The following PHLPP2 variants were observed in gnomAD, a reference collection of about 807,000 sequenced individuals.
PHLPP2 encodes the protein PH domain and leucine rich repeat protein phosphatase 2, also known as PH domain leucine-rich repeat-containing protein phosphatase 2.
A neutral mutation model predicts 124.9 loss-of-function variants in PHLPP2; 66 were observed. That is an observed-to-expected ratio of 0.53 (90% CI 0.43 to 0.65). The LOEUF is 0.65. PHLPP2 is among the 30% of genes least tolerant of loss of function. The pLI, the probability that PHLPP2 is intolerant of heterozygous loss-of-function variation, is 0.00. For synonymous variants in PHLPP2, 681 were observed against 624.7 expected (o/e 1.09, Z -1.34); for missense variants, 1,685 against 1,600.4 (o/e 1.05, Z -0.90).
At chr16:71,693,769 T>A (rs76532652) in intron 3 of PHLPP2, among the ~76,000 whole-genome samples, 1 of 152,350 alleles carries the variant, frequency 6.6e-6, no homozygotes, top group South Asian at 2.1e-4. Context: ...CGTTGTCAAT[T>A]TTTAAAGAAC....
chr16:71,679,338 C>A, intron 7 of PHLPP2, 51 bp downstream of exon 7: 1 of 1,522,550 alleles, frequency 6.6e-7, no homozygotes, highest in Non-Finnish European at 9.1e-7. Flanking sequence ...AAACCCCAGG[C>A]AAGTTCCTTA....
At chr16:71,681,372 G>C (rs2044996111) in intron 6 of PHLPP2, among the ~76,000 whole-genome samples, 2 of 152,202 alleles carry the variant, frequency 1.3e-5, no homozygotes, top group Non-Finnish European at 2.9e-5. Context: ...AGAGAAGATA[G>C]AGCCTTGTCT....
rs1399187885 is a variant in PHLPP2 at position 71,714,629 on chromosome 16, G to A, written c.167C>T (p.Ser56Phe). 1.2e-6 allele frequency: 2 copies of A among 1,613,804 alleles called. No individual in the cohort carries two copies. Among genetic ancestry groups the A allele is most frequent in the Non-Finnish European group, 1.7e-6 (2 of 1,179,834 alleles). The change falls in exon 2 of 19, where the codon TCC becomes TTC. Residue 56 changes from serine to phenylalanine, a missense_variant. Physicochemically the swap from Ser to Phe is radical, Grantham distance 155. Coordinates refer to ENST00000568954, the MANE Select transcript of PHLPP2 (RefSeq NM_015020.3). ...GAGATGTAAGTCAGAGGAAGAGGAGGAGGAGGAAGAGGAAGAGGAGGTGGT... is the reference window on the plus strand; with the variant it reads ...GAGATGTAAGTCAGAGGAAGAGGAGAAGGAGGAAGAGGAAGAGGAGGTGGT... ...TTTTSSSSSS[S>F]SSSSDLHLVL...
intron 1 of PHLPP2, chr16:71,723,088 CCG>C (rs1181402191): frequency 6.6e-6 from 1 of 152,330 alleles, no homozygotes. Context: ...GGCCCCGCTC[CCG>C]GGAGCAGGAA....
chr16:71,670,287 C>G (rs1202084056), intron 10 of PHLPP2, among the ~76,000 whole-genome samples: 9 of 152,080 alleles, frequency 5.9e-5, no homozygotes, highest in Non-Finnish European at 7.3e-5. Flanking sequence ...GAGGTCACGT[C>G]CAATGAAGTA....
In PHLPP2 at chr16:71,654,859, G is replaced by A. The variant is rs142595372; in HGVS notation, c.2585+381C>T. 1.1e-4 allele frequency among the ~76,000 whole-genome samples: 16 copies of A among 152,304 alleles called. No homozygotes were observed. The East Asian group carries it at 2.1e-3, about 20-fold the overall frequency. ...AACCCCAGAAAGAGGCATTCTAAAC[G>A]TTATCAATCTGATAAGTATTTGGTT... On this transcript the variant is annotated intron_variant, in intron 17 of 18. Transcript: ENST00000568954.
chr16:71,652,887 C>A lies in PHLPP2; in HGVS notation c.2720G>T (p.Arg907Leu). 1 of 1,614,110 alleles carries A rather than the reference C, an allele frequency of 6.2e-7. No homozygotes were observed. Among genetic ancestry groups the A allele is most frequent in the Non-Finnish European group, 8.5e-7 (1 of 1,180,022 alleles). Residue 907 changes from arginine (R) to leucine (L), a missense_variant, in exon 18 of 19, where the codon CGA (arginine) becomes CTA (leucine). By Grantham distance (102) the Arg-to-Leu change is moderately radical. Coordinates refer to ENST00000568954, the MANE Select transcript of PHLPP2 (RefSeq NM_015020.3). ...NVGTCQAVLC[R>L]GGKPVPLSKV... Reference sequence around the variant, plus strand: ...AGAGAGGGGCACTGGCTTCCCACCTCGGCACAGGACTGCTTGGCACGTGCC... The same window carrying A: ...AGAGAGGGGCACTGGCTTCCCACCTAGGCACAGGACTGCTTGGCACGTGCC...
rs1331144816 is a variant in PHLPP2 at position 71,724,339 on chromosome 16, C to A, written c.-17G>T. ...GTTGAGAATACTCACCTTGGCAAGG[C>A]CTTTTCTCTTCCTTATCAGAGATGC... On this transcript the variant is annotated 5_prime_UTR_variant, in exon 1 of 19. Coordinates refer to ENST00000568954, the MANE Select transcript of PHLPP2 (RefSeq NM_015020.3). 1 of 152,224 alleles carries A rather than the reference C, an allele frequency of 6.6e-6. No homozygotes were observed. Among genetic ancestry groups the A allele is most frequent in the African/African-American group, 2.4e-5 (1 of 41,454 alleles). 9.4% of individuals were successfully genotyped at this position (152,224 alleles called of 1,614,324 possible). A position where few individuals can be genotyped will look rare whatever the true frequency, so the allele number is the denominator to read the frequency against.
chr16:71,671,299 G>A (rs1482569439), intron 10 of PHLPP2, among the ~76,000 whole-genome samples: 3 of 152,068 alleles, frequency 2.0e-5, no homozygotes, highest in East Asian at 3.9e-4. Context: ...ATGACTACAC[G>A]TCAGGTACTA....
chr16:71,655,912 T>G (rs947605370), intron 16 of PHLPP2, among the ~76,000 whole-genome samples: 3 of 152,184 alleles, frequency 2.0e-5, no homozygotes, highest in Non-Finnish European at 2.9e-5. Flanking sequence ...AGAGCTAATG[T>G]CCTAAGGAAA....
At chr16:71,676,269 T>A (rs2044944300) in intron 9 of PHLPP2, among the ~76,000 whole-genome samples, 178 bp downstream of exon 9, 1 of 152,196 alleles carries the variant, frequency 6.6e-6, no homozygotes, top group Admixed American at 6.5e-5. Context: ...CCATGTCTTT[T>A]TATGCACACT....
chr16:71,703,429 A>G (rs1465337574), intron 2 of PHLPP2, among the ~76,000 whole-genome samples: 2 of 152,194 alleles, frequency 1.3e-5, no homozygotes, highest in Non-Finnish European at 2.9e-5. Context: ...TAAAACCAGA[A>G]TGTCCTGCAA....
At chr16:71,650,112 CACAGTGCTTAGGGA>C (rs2044686200) in intron 18 of PHLPP2, 68 bp from the exon 19 acceptor site, 3 of 1,219,458 alleles carry the variant, frequency 2.5e-6, no homozygotes, top group Non-Finnish European at 3.5e-6. Context: ...CTTTCTAGAT[CACAGTGCTTAGGGA>C]ACTATAATAA....
chr16:71,666,789 A>G (rs945827888), intron 12 of PHLPP2, among the ~76,000 whole-genome samples: 3 of 152,242 alleles, frequency 2.0e-5, no homozygotes, highest in African/African-American at 7.2e-5. Flanking sequence ...CAAAAACCAA[A>G]TTAACTTTAG....
At position 71,652,920 on chromosome 16, in the gene PHLPP2, G is replaced by T; in HGVS notation, c.2687C>A (p.Ala896Asp). 2.5e-6 allele frequency: 4 copies of T among 1,614,042 alleles called. No individual in the cohort carries two copies. Among genetic ancestry groups the T allele is most frequent in the Non-Finnish European group, 3.4e-6 (4 of 1,179,984 alleles). Residue 896 changes from alanine to aspartate, a missense_variant, in exon 18 of 19, where the codon GCC becomes GAC. Coordinates refer to ENST00000568954, the MANE Select transcript of PHLPP2 (RefSeq NM_015020.3). ...GACTGCTTGGCACGTGCCAACATTG[G>T]CTACAGTCAAGCTAAAGCTACTTGC... The part of the protein sequence containing the change: ...DPASSFSLTV[A>D]NVGTCQAVLC...
chr16:71,674,663 T>C (rs996245949), intron 9 of PHLPP2, among the ~76,000 whole-genome samples: 1 of 152,206 alleles, frequency 6.6e-6, no homozygotes, highest in African/African-American at 2.4e-5. Context: ...TTCTATTGCA[T>C]GAATATATCA....
At position 71,649,241 on chromosome 16, in the gene PHLPP2, T is replaced by C. The variant is rs1176072801; in HGVS notation, c.3621A>G (p.Arg1207=). The C allele has an allele frequency of 1.4e-5, 22 of 1,613,864 alleles. No homozygotes were observed. The highest frequency in any genetic ancestry group is 1.9e-5 in the Non-Finnish European group (22 of 1,179,944). ...GCATGCCACTATTCACACTGTTCTGTCTTCGGATCCCAAAACACGACCCTC... is the reference window on the plus strand; with the variant it reads ...GCATGCCACTATTCACACTGTTCTGCCTTCGGATCCCAAAACACGACCCTC... ...HARGSCFGIR[R]QNSVNSGMLL... is the part of the protein sequence containing the mutation. Residue 1207 remains arginine (R), a synonymous_variant, in exon 19 of 19, where the codon AGA becomes AGG. Coordinates refer to ENST00000568954, the MANE Select transcript of PHLPP2 (RefSeq NM_015020.3).
rs533368871 is a variant in PHLPP2 at position 71,681,873 on chromosome 16, G to C, written c.768C>G (p.Leu256=). 1.9e-6 allele frequency: 3 copies of C among 1,613,670 alleles called. No homozygotes were observed. Among genetic ancestry groups the C allele is most frequent in the African/African-American group, 2.7e-5 (2 of 74,984 alleles). Residue 256 remains leucine (L), a synonymous_variant, in exon 6 of 19, where the codon CTC becomes CTG. Transcript: ENST00000568954. ...VVSQRISTVD[L]SCYSLEEVPE... is the part of the protein sequence containing the mutation. ...GAACCTCCTCGAGGCTGTAACACGA[G>C]AGATCCACGGTACTGATTCGCTGGG...
Position 71,655,266 on chromosome 16 carries a change from C to T in PHLPP2, c.2559G>A (p.Met853Ile). ...TGTGAGATACCAAGAAGGTGTTAGCCATGAAAACTGTGTCATTAGTTGACT... is the reference window on the plus strand; with the variant it reads ...TGTGAGATACCAAGAAGGTGTTAGCTATGAAAACTGTGTCATTAGTTGACT... ...VQQSTNDTVF[M>I]ANTFLVSHRK... Residue 853 changes from methionine (M) to isoleucine (I), a missense_variant, in exon 17 of 19, where the codon ATG becomes ATA. Transcript: ENST00000568954. 6.2e-7 allele frequency: 1 copy of T among 1,613,486 alleles called. No homozygotes were observed. The highest frequency in any genetic ancestry group is 8.5e-7 in the Non-Finnish European group (1 of 1,179,460).
Sources: gnomAD v4.1 joint callset for allele counts (sites outside exome capture counted in the v4.1 genomes callset) on GRCh38, gnomAD v4.1.1 for gene constraint, MANE v1.5 for transcripts, NCBI Gene and HGNC (gene_info 2026-07-23, HGNC 2026-07-21) for gene names.